The following ZNF521 variants were observed in gnomAD, a reference collection of about 807,000 sequenced individuals.
ZNF521 encodes the protein zinc finger protein 521, also known as LYST-interacting protein 3.
In ZNF521, 14 loss-of-function variants were observed where a neutral mutation model predicts 105.5. The ratio of observed to expected loss-of-function variants is 0.13; its 90% CI spans 0.09 to 0.21. The LOEUF (loss-of-function observed/expected upper bound fraction) is 0.21. Ranked by LOEUF, ZNF521 falls within the 10% of genes least tolerant of loss-of-function variation. The pLI is 1.00. For missense variants in ZNF521, 1,233 were observed against 1,629.7 expected (o/e 0.76, Z 4.19); for synonymous variants, 635 against 606.0 (o/e 1.05, Z -0.70).
intron 5 of ZNF521, among the ~76,000 whole-genome samples, chr18:25,114,668 A>ATTTTTC (rs2034268309): frequency 6.6e-6 from 1 of 152,198 alleles, no homozygotes; most frequent in Non-Finnish European, 1.5e-5. Flanking sequence ...GGTAAATGAA[A>ATTTTTC]AGCAAACACC....
At chr18:25,245,771 G>A (rs1042943103) in intron 3 of ZNF521, among the ~76,000 whole-genome samples, 1 of 152,130 alleles carries the variant, frequency 6.6e-6, no homozygotes, top group Non-Finnish European at 1.5e-5. Context: ...TCAGCACTTT[G>A]GGAGGCTGAG....
chr18:25,351,817 G>A (rs1215135747), intron 1 of ZNF521, 188 bp downstream of exon 1: 4 of 168,418 alleles, frequency 2.4e-5, no homozygotes, highest in East Asian at 1.8e-4. Flanking sequence ...TCTCTGGGCG[G>A]GGGCGCGGCG....
intron 5 of ZNF521, among the ~76,000 whole-genome samples, chr18:25,116,884 T>C (rs866739440): frequency 5.7e-5 from 3 of 52,204 alleles, no homozygotes; most frequent in South Asian, 4.5e-4. Flanking sequence ...TATATATATA[T>C]ATACGTATAT....
At chr18:25,190,793 C>G (rs1222285894) in intron 5 of ZNF521, among the ~76,000 whole-genome samples, 2 of 152,176 alleles carry the variant, frequency 1.3e-5, no homozygotes, top group Non-Finnish European at 1.5e-5. Context: ...ATTCTTTATG[C>G]CTTGACATCA....
At chr18:25,188,850 A>G (rs920881416) in intron 5 of ZNF521, among the ~76,000 whole-genome samples, 2 of 152,216 alleles carry the variant, frequency 1.3e-5, no homozygotes, top group African/African-American at 4.8e-5. Flanking sequence ...GTGTGTTCTA[A>G]AGAGTAATAA....
At chr18:25,204,240 A>G (rs2036040979) in intron 4 of ZNF521, among the ~76,000 whole-genome samples, 1 of 152,218 alleles carries the variant, frequency 6.6e-6, no homozygotes, top group Admixed American at 6.5e-5. Flanking sequence ...CCTAAACTCC[A>G]TGAAGATATA....
chr18:25,283,661 T>C lies in ZNF521; in HGVS notation c.220+38347A>G, dbSNP rs138180040. Among the ~76,000 whole-genome samples, 249 of 152,122 alleles carry C rather than the reference T, an allele frequency of 1.6e-3. 3 individuals are homozygous for C. The highest frequency in any genetic ancestry group is 5.0e-3 in the African/African-American group (209 of 41,490). On this transcript the variant is annotated intron_variant, in intron 3 of 7. Transcript: ENST00000361524. Reference sequence around the variant, plus strand: ...GCTGAACATAAACTTAAATGGAAAATAGAAAATAATGTGCTGCTGGAAATC... The same window carrying C: ...GCTGAACATAAACTTAAATGGAAAACAGAAAATAATGTGCTGCTGGAAATC...
chr18:25,151,388 A>G (rs1196878491), intron 5 of ZNF521, among the ~76,000 whole-genome samples: 1 of 152,094 alleles, frequency 6.6e-6, no homozygotes, highest in Admixed American at 6.6e-5. Flanking sequence ...ATCTTCTAAC[A>G]CCTTGTGACT....
chr18:25,244,463 C>T (rs1488998908), intron 3 of ZNF521, among the ~76,000 whole-genome samples: 2 of 152,176 alleles, frequency 1.3e-5, no homozygotes, highest in Non-Finnish European at 2.9e-5. Flanking sequence ...CTTCCCCAGT[C>T]TGCCACTCCT....
intron 4 of ZNF521, among the ~76,000 whole-genome samples, chr18:25,213,668 A>G (rs2036232808): frequency 6.6e-6 from 1 of 151,914 alleles, no homozygotes. Flanking sequence ...GAACAAAGGT[A>G]TTTTCTCATT....
chr18:25,112,284 G>A (rs2034207052), intron 5 of ZNF521, among the ~76,000 whole-genome samples: 1 of 152,144 alleles, frequency 6.6e-6, no homozygotes. Context: ...CCGTGACAAA[G>A]GGGCCTTCGG....
At chr18:25,202,951 G>A (rs2036017072) in intron 4 of ZNF521, 1 of 152,174 alleles carries the variant, frequency 6.6e-6, no homozygotes, top group Non-Finnish European at 1.5e-5. Context: ...TCTTGTGACA[G>A]TTAAAAGGAT....
intron 2 of ZNF521, among the ~76,000 whole-genome samples, chr18:25,342,649 C>G (rs935766416): frequency 6.6e-6 from 1 of 151,690 alleles, no homozygotes; most frequent in Non-Finnish European, 1.5e-5. Context: ...AGGATGGTCT[C>G]GATCTCCTGA....
chr18:25,203,300 T>C (rs190130790), intron 4 of ZNF521, among the ~76,000 whole-genome samples: 8 of 152,156 alleles, frequency 5.3e-5, no homozygotes, highest in Admixed American at 2.0e-4. Flanking sequence ...AGGTCTAAAA[T>C]GGGAATAATT....
At chr18:25,316,449 G>A (rs368236984) in intron 3 of ZNF521, among the ~76,000 whole-genome samples, 18 of 131,814 alleles carry the variant, frequency 1.4e-4, no homozygotes, top group African/African-American at 4.7e-4. Flanking sequence ...GGTGGGGGGT[G>A]GGGAAGCAGC....
rs984538507 is a variant in ZNF521 at position 25,154,116 on chromosome 18, T to C, written c.3658+41044A>G. On this transcript the variant is annotated intron_variant, in intron 5 of 7. Transcript: ENST00000361524. ...CTAATAGTCAATTCCATTAGTAAAA[T>C]GAGGGTATCCTGGATGGAAAGAATT... 2.6e-5 allele frequency among the ~76,000 whole-genome samples: 4 copies of C among 152,322 alleles called. No individual in the cohort carries two copies. The South Asian group carries it at 8.3e-4, about 32-fold the overall frequency.
intron 2 of ZNF521, among the ~76,000 whole-genome samples, chr18:25,348,873 G>A (rs1386440185): frequency 1.3e-5 from 2 of 152,010 alleles, no homozygotes; most frequent in Non-Finnish European, 2.9e-5. Flanking sequence ...GTCAACTGAC[G>A]GATTCCCTTT....
At chr18:25,207,142 T>C (rs2036095524) in intron 4 of ZNF521, among the ~76,000 whole-genome samples, 3 of 152,172 alleles carry the variant, frequency 2.0e-5, no homozygotes, top group Admixed American at 2.0e-4. Flanking sequence ...ATATAGGGTA[T>C]TGTGGAGTTT....
chr18:25,270,680 T>C (rs1453222534), intron 3 of ZNF521, among the ~76,000 whole-genome samples: 3 of 152,096 alleles, frequency 2.0e-5, no homozygotes, highest in South Asian at 2.1e-4. Flanking sequence ...AAAAACCACA[T>C]GATTATCTCA....
Sources: gnomAD v4.1 joint callset for allele counts (sites outside exome capture counted in the v4.1 genomes callset) on GRCh38, gnomAD v4.1.1 for gene constraint, MANE v1.5 for transcripts, NCBI Gene and HGNC (gene_info 2026-07-23, HGNC 2026-07-21) for gene names.